Variants in RAB10 observed in about 807,000 individuals in gnomAD.
RAB10 encodes the protein ras-related protein Rab-10.
In RAB10, 5 loss-of-function variants were observed where a neutral mutation model predicts 25.7. The observed-to-expected ratio is 0.19, with a 90% CI of 0.10 to 0.41. RAB10 has a LOEUF of 0.41. Ranked by LOEUF, RAB10 falls within the 10% of genes least tolerant of loss-of-function variation. RAB10 has a pLI of 1.00. For synonymous variants in RAB10, 89 were observed against 86.4 expected (o/e 1.03, Z -0.16); for missense variants, 103 against 245.8 (o/e 0.42, Z 3.89).
intron 1 of RAB10, among the ~76,000 whole-genome samples, chr2:26,071,969 A>G (rs1043973869): frequency 2.6e-4 from 40 of 152,142 alleles, no homozygotes; most frequent in African/African-American, 9.2e-4. Context: ...CCATGGTGAT[A>G]ATATTATTTT....
chr2:26,064,053 T>C (rs1403073355), intron 1 of RAB10, among the ~76,000 whole-genome samples: 1 of 152,102 alleles, frequency 6.6e-6, no homozygotes, highest in Non-Finnish European at 1.5e-5. Context: ...CTGCCCGCCT[T>C]GGTGGTAATG....
chr2:26,059,700 A>G (rs538274300), intron 1 of RAB10, among the ~76,000 whole-genome samples: 1 of 152,290 alleles, frequency 6.6e-6, no homozygotes, highest in East Asian at 1.9e-4. Context: ...CACTATTCAC[A>G]ATAGCCAAGA....
chr2:26,068,277 C>G (rs2384322), intron 1 of RAB10, among the ~76,000 whole-genome samples: 127,268 of 152,140 alleles, frequency 0.84, 53,684 homozygotes, highest in African/African-American at 0.96. Context: ...ATGTTGAAGA[C>G]GTGGGTTTGA....
intron 1 of RAB10, among the ~76,000 whole-genome samples, chr2:26,085,464 G>A (rs1478888000): frequency 6.6e-6 from 1 of 150,948 alleles, no homozygotes; most frequent in Non-Finnish European, 1.5e-5. Context: ...ACTCCAGCCT[G>A]GGTGGCAGAG....
chr2:26,053,102 A>G (rs1666170493), intron 1 of RAB10, among the ~76,000 whole-genome samples: 1 of 152,132 alleles, frequency 6.6e-6, no homozygotes, highest in Non-Finnish European at 1.5e-5. Context: ...GGGGTTAGAA[A>G]GATCTCTCTG....
intron 1 of RAB10, among the ~76,000 whole-genome samples, chr2:26,039,471 C>T (rs888347361): frequency 2.4e-4 from 37 of 151,930 alleles, no homozygotes; most frequent in African/African-American, 8.9e-4. Flanking sequence ...CTCAGCCTCC[C>T]TAGTAGCTGG....
chr2:26,133,926 G>A (rs1265052076), intron 5 of RAB10, among the ~76,000 whole-genome samples: 6 of 152,078 alleles, frequency 3.9e-5, no homozygotes, highest in African/African-American at 1.2e-4. Context: ...CACCCGCCTC[G>A]GCCTCCCAAA....
chr2:26,073,655 C>T (rs1406053473), intron 1 of RAB10, among the ~76,000 whole-genome samples: 3 of 152,120 alleles, frequency 2.0e-5, no homozygotes, highest in African/African-American at 7.2e-5. Context: ...AGAGTAAATA[C>T]AGTGCTAAGA....
chr2:26,085,675 A>G (rs1666961735), intron 1 of RAB10, among the ~76,000 whole-genome samples: 1 of 151,958 alleles, frequency 6.6e-6, no homozygotes. Flanking sequence ...TTTGCAAGTC[A>G]TGTATCTGAT....
chr2:26,117,793 C>T (rs950303717), intron 3 of RAB10, among the ~76,000 whole-genome samples: 1 of 152,002 alleles, frequency 6.6e-6, no homozygotes, highest in Non-Finnish European at 1.5e-5. Context: ...TAAAAAAGTG[C>T]AGTGGATTCC....
intron 1 of RAB10, among the ~76,000 whole-genome samples, chr2:26,047,235 C>A (rs1161545259): frequency 6.6e-6 from 1 of 152,142 alleles, no homozygotes; most frequent in Non-Finnish European, 1.5e-5. Context: ...TTTCTACACT[C>A]CAAACCTTGG....
chr2:26,080,604 G>T (rs976816354), intron 1 of RAB10, among the ~76,000 whole-genome samples: 4 of 152,080 alleles, frequency 2.6e-5, no homozygotes, highest in African/African-American at 9.7e-5. Flanking sequence ...GAACTCTTGG[G>T]CTCAAGTGAT....
At chr2:26,113,573 C>CA (rs55836203) in intron 3 of RAB10, among the ~76,000 whole-genome samples, 125,213 of 151,054 alleles carry the variant, frequency 0.83, 52,213 homozygotes, top group African/African-American at 0.93. Flanking sequence ...GACTCTGTCT[C>CA]AAAAAAAAGT....
intron 3 of RAB10, 87 bp from the exon 4 acceptor site, chr2:26,127,057 C>A: frequency 9.9e-7 from 1 of 1,011,978 alleles, no homozygotes; most frequent in African/African-American, 1.6e-5. Context: ...AAATGACCCT[C>A]TAAATTGAGA....
chr2:26,087,480 G>A (rs921012073), intron 1 of RAB10, among the ~76,000 whole-genome samples: 2 of 152,102 alleles, frequency 1.3e-5, no homozygotes, highest in Non-Finnish European at 2.9e-5. Context: ...TCGGCTCACC[G>A]CAACCTCTGC....
intron 1 of RAB10, among the ~76,000 whole-genome samples, chr2:26,053,235 C>A (rs1666172582): frequency 6.6e-6 from 1 of 152,024 alleles, no homozygotes; most frequent in African/African-American, 2.4e-5. Flanking sequence ...TTGTAAATAT[C>A]CAGTCCTCCT....
chr2:26,059,866 C>T (rs1666358902), intron 1 of RAB10, among the ~76,000 whole-genome samples: 1 of 152,162 alleles, frequency 6.6e-6, no homozygotes, highest in Non-Finnish European at 1.5e-5. Flanking sequence ...CTGAACTGTA[C>T]ACTTAAAAAT....
At position 26,124,389 on chromosome 2, in the gene RAB10, C is replaced by CTTTTTTTTTTTTTTTTTTTTTT. The variant is rs10669615; in HGVS notation, c.328-2748_328-2727dup. Among the ~76,000 whole-genome samples, 22 of 19,678 alleles carry CTTTTTTTTTTTTTTTTTTTTTT rather than the reference C, an allele frequency of 1.1e-3. 8 individuals carry two copies. Among genetic ancestry groups the CTTTTTTTTTTTTTTTTTTTTTT allele is most frequent in the Admixed American group, 2.3e-3 (2 of 856 alleles). The allele number at this position is 19,678 out of a possible 152,430, so 12.9% of individuals were successfully genotyped here. On this transcript the variant is annotated intron_variant, in intron 3 of 5. Transcript: ENST00000264710. ...GTTGTTTTTCTTATTGTTGTTGTTG[C>CTTTTTTTTTTTTTTTTTTTTTT]TTTTTTTTTTTTTTTTTTTTTTTTT...
intron 1 of RAB10, among the ~76,000 whole-genome samples, chr2:26,058,395 C>T (rs532536031): frequency 2.0e-5 from 3 of 152,054 alleles, no homozygotes; most frequent in South Asian, 2.1e-4. Context: ...TGTAAGGCTC[C>T]GTGTCCTTAC....
Sources: allele counts gnomAD v4.1 joint callset (sites outside exome capture counted in the v4.1 genomes callset), GRCh38; gene constraint gnomAD v4.1.1; transcripts MANE v1.5; gene names NCBI Gene and HGNC (gene_info 2026-07-23, HGNC 2026-07-21).